The following TAFA2 variants were observed in gnomAD, a reference collection of about 807,000 sequenced individuals.
TAFA2 encodes the protein TAFA chemokine like family member 2.
TAFA2 carries 7 observed loss-of-function variants against 18.8 expected under a neutral mutation model. The observed-to-expected ratio is 0.37, with a 90% CI of 0.21 to 0.70. The LOEUF (loss-of-function observed/expected upper bound fraction) is 0.70, where lower values mean the gene tolerates loss of function less well. TAFA2 is among the 30% of genes least tolerant of loss of function. The pLI is 0.53. For missense variants in TAFA2, 122 were observed against 158.1 expected (o/e 0.77, Z 1.23); for synonymous variants, 60 against 54.2 (o/e 1.11, Z -0.47).
At chr12:61,794,359 T>A (rs550215344) in intron 2 of TAFA2, among the ~76,000 whole-genome samples, 2 of 152,014 alleles carry the variant, frequency 1.3e-5, no homozygotes, top group Non-Finnish European at 2.9e-5. Flanking sequence ...TAAAAATCAT[T>A]TGTATATCTA....
chr12:62,189,065 T>C (rs189000092), intron 1 of TAFA2, among the ~76,000 whole-genome samples: 174 of 152,300 alleles, frequency 1.1e-3, no homozygotes, highest in Admixed American at 2.2e-3. Context: ...AGGCATTTGC[T>C]TTAATGTCAA....
At chr12:61,714,696 A>C (rs893747309) in intron 4 of TAFA2, among the ~76,000 whole-genome samples, 1 of 152,202 alleles carries the variant, frequency 6.6e-6, no homozygotes, top group African/African-American at 2.4e-5. Flanking sequence ...GAGTATTGTG[A>C]AATTTCCTCT....
At chr12:62,052,128 G>T (rs1882070440) in intron 1 of TAFA2, among the ~76,000 whole-genome samples, 1 of 151,996 alleles carries the variant, frequency 6.6e-6, no homozygotes, top group African/African-American at 2.4e-5. Context: ...GGGTGCCTCT[G>T]ACATTTACCA....
chr12:61,915,815 A>G (rs947731608), intron 1 of TAFA2, among the ~76,000 whole-genome samples: 2 of 152,204 alleles, frequency 1.3e-5, no homozygotes, highest in African/African-American at 2.4e-5. Flanking sequence ...CAGGTCCTCA[A>G]TGGATTGGAT....
chr12:62,188,663 A>G (rs1241679260), intron 1 of TAFA2, among the ~76,000 whole-genome samples: 1 of 152,210 alleles, frequency 6.6e-6, no homozygotes, highest in Non-Finnish European at 1.5e-5. Flanking sequence ...TTTTAACACA[A>G]AAATACATTT....
chr12:61,774,303 T>C (rs1271261116), intron 2 of TAFA2, among the ~76,000 whole-genome samples: 1 of 151,954 alleles, frequency 6.6e-6, no homozygotes, highest in African/African-American at 2.4e-5. Context: ...ATCTACCATT[T>C]GATCTAGCAA....
At chr12:61,941,969 C>A (rs1337941258) in intron 1 of TAFA2, among the ~76,000 whole-genome samples, 1 of 152,048 alleles carries the variant, frequency 6.6e-6, no homozygotes, top group Non-Finnish European at 1.5e-5. Context: ...AGGAGGCCTG[C>A]CTGCCTCTGT....
chr12:61,726,719 C>T (rs1376419489), intron 4 of TAFA2, among the ~76,000 whole-genome samples: 2 of 151,876 alleles, frequency 1.3e-5, no homozygotes, highest in African/African-American at 4.8e-5. Context: ...TTTGGATGTC[C>T]TTTATTTCTT....
At chr12:61,856,639 T>G (rs17605016) in intron 2 of TAFA2, among the ~76,000 whole-genome samples, 13,823 of 152,020 alleles carry the variant, frequency 0.091, 897 homozygotes, top group East Asian at 0.19. Flanking sequence ...GTCTAGATCA[T>G]TTTTGTTAGT....
At chr12:62,131,935 C>T (rs1400471400) in intron 1 of TAFA2, among the ~76,000 whole-genome samples, 2 of 151,848 alleles carry the variant, frequency 1.3e-5, no homozygotes, top group Admixed American at 6.6e-5. Context: ...CTATTCACAG[C>T]TTCATGGCCA....
intron 1 of TAFA2, among the ~76,000 whole-genome samples, chr12:61,929,642 A>G (rs1877468747): frequency 6.6e-6 from 1 of 151,552 alleles, no homozygotes; most frequent in Non-Finnish European, 1.5e-5. Context: ...TGACCCAGCC[A>G]TCCCATTACC....
intron 4 of TAFA2, among the ~76,000 whole-genome samples, chr12:61,732,244 A>G (rs1284714116): frequency 1.3e-5 from 2 of 152,096 alleles, no homozygotes; most frequent in African/African-American, 4.8e-5. Context: ...TGAGATGAAA[A>G]AAGTACAAAA....
intron 1 of TAFA2, among the ~76,000 whole-genome samples, chr12:62,115,128 T>A (rs1869905825): frequency 1.3e-5 from 2 of 149,792 alleles, no homozygotes; most frequent in Admixed American, 1.3e-4. Flanking sequence ...TCCATTTTAA[T>A]TTTAATTCTA....
intron 2 of TAFA2, among the ~76,000 whole-genome samples, chr12:61,846,932 G>A (rs571450203): frequency 1.4e-4 from 21 of 152,248 alleles, no homozygotes; most frequent in African/African-American, 4.3e-4. Context: ...TCAAACAAGC[G>A]ACTTTGTGAT....
At chr12:62,012,536 G>T (rs954789369) in intron 1 of TAFA2, among the ~76,000 whole-genome samples, 1 of 151,970 alleles carries the variant, frequency 6.6e-6, no homozygotes, top group Admixed American at 6.6e-5. Context: ...AACTTCCATT[G>T]CTTACATTTG....
At chr12:62,161,445 CCAGA>C (rs1430733231) in intron 1 of TAFA2, among the ~76,000 whole-genome samples, 4 of 152,082 alleles carry the variant, frequency 2.6e-5, no homozygotes, top group African/African-American at 9.7e-5. Flanking sequence ...GTGAAACAAG[CCAGA>C]CAAAGTCAAA....
intron 1 of TAFA2, among the ~76,000 whole-genome samples, chr12:62,045,475 T>C (rs1881885728): frequency 6.6e-6 from 1 of 152,158 alleles, no homozygotes; most frequent in Non-Finnish European, 1.5e-5. Flanking sequence ...GGGGGAGATG[T>C]TACCAGTAAA....
chr12:62,235,570 C>CGGCAT (rs1157486677), intron 1 of TAFA2: 1 of 335,888 alleles, frequency 3.0e-6, no homozygotes, highest in Non-Finnish European at 5.6e-6. Flanking sequence ...CAACCCACCA[C>CGGCAT]GGCATCGCAG....
At chr12:62,153,098 G>A (rs959744383) in intron 1 of TAFA2, among the ~76,000 whole-genome samples, 1 of 152,114 alleles carries the variant, frequency 6.6e-6, no homozygotes, top group Admixed American at 6.6e-5. Context: ...ATTGAAATTG[G>A]AAATTTGCAA....
Sources: gnomAD v4.1 joint callset for allele counts (sites outside exome capture counted in the v4.1 genomes callset) on GRCh38, gnomAD v4.1.1 for gene constraint, MANE v1.5 for transcripts, NCBI Gene and HGNC (gene_info 2026-07-23, HGNC 2026-07-21) for gene names.